The following SLMAP variants were observed in gnomAD, a reference collection of about 807,000 sequenced individuals.
The protein encoded by SLMAP is sarcolemmal membrane-associated protein.
A neutral mutation model predicts 128.8 loss-of-function variants in SLMAP; 44 were observed. The observed-to-expected ratio is 0.34, with a 90% CI of 0.27 to 0.44. SLMAP has a LOEUF of 0.44. SLMAP is among the 20% of genes least tolerant of loss of function. The pLI, the probability that SLMAP is intolerant of heterozygous loss-of-function variation, is 1.00. For synonymous variants in SLMAP, 327 were observed against 348.8 expected (o/e 0.94, Z 0.70); for missense variants, 787 against 985.3 (o/e 0.80, Z 2.69).
At chr3:57,847,313 T>C (rs2094302916) in intron 5 of SLMAP, 80 bp downstream of exon 5, 1 of 970,512 alleles carries the variant, frequency 1.0e-6, no homozygotes, top group African/African-American at 1.6e-5. Context: ...ATGCTTTACC[T>C]AGAAATTTAT....
intron 3 of SLMAP, among the ~76,000 whole-genome samples, chr3:57,840,541 C>T (rs542764479): frequency 6.6e-6 from 1 of 152,204 alleles, no homozygotes; most frequent in East Asian, 1.9e-4. Flanking sequence ...TAAAATTAAA[C>T]CCACATATAG....
At chr3:57,837,588 C>T (rs987675756) in intron 3 of SLMAP, among the ~76,000 whole-genome samples, 1 of 152,144 alleles carries the variant, frequency 6.6e-6, no homozygotes, top group Non-Finnish European at 1.5e-5. Context: ...CCAGGATGGT[C>T]TCTCTCTCCT....
intron 2 of SLMAP, among the ~76,000 whole-genome samples, chr3:57,820,377 A>C (rs1351186151): frequency 6.6e-6 from 1 of 152,176 alleles, no homozygotes; most frequent in Admixed American, 6.5e-5. Flanking sequence ...CCTCAAAGAC[A>C]AACAGCTGCT....
At chr3:57,919,671 G>A (rs1421042694) in intron 22 of SLMAP, among the ~76,000 whole-genome samples, 2 of 151,640 alleles carry the variant, frequency 1.3e-5, no homozygotes, top group Non-Finnish European at 2.9e-5. Context: ...GCGCATGCCT[G>A]TAATCCCAGT....
At chr3:57,775,576 G>T (rs1390832811) in intron 2 of SLMAP, among the ~76,000 whole-genome samples, 1 of 150,474 alleles carries the variant, frequency 6.6e-6, no homozygotes, top group African/African-American at 2.5e-5. Flanking sequence ...AGTCCCGGCT[G>T]CTTGAGGGAG....
At position 57,832,377 on chromosome 3, in the gene SLMAP, AT is replaced by A. The variant is rs370236232; in HGVS notation, c.346+850del. On this transcript the variant is annotated intron_variant, in intron 3 of 24. Coordinates refer to ENST00000671191, the MANE Select transcript of SLMAP (RefSeq NM_001377540.1). ...GTAGCTATCACAAGTATAAAATAAAATTTAATGTCTCACAATTTTTGAAAGT... is the reference window on the plus strand; with the variant it reads ...GTAGCTATCACAAGTATAAAATAAAATTAATGTCTCACAATTTTTGAAAGT... Among the ~76,000 whole-genome samples, 444 of 152,352 alleles carry A rather than the reference AT, an allele frequency of 2.9e-3. 3 individuals are homozygous for A. Among genetic ancestry groups the A allele is most frequent in the African/African-American group, 9.3e-3 (386 of 41,596 alleles).
intron 20 of SLMAP, 80 bp from the exon 21 acceptor site, chr3:57,913,078 T>G: frequency 1.4e-6 from 1 of 714,142 alleles, no homozygotes; most frequent in East Asian, 2.6e-5. Context: ...TGTTCTCCTC[T>G]GAAATCTTTT....
intron 6 of SLMAP, among the ~76,000 whole-genome samples, chr3:57,851,733 C>T (rs2094511366): frequency 6.6e-6 from 1 of 152,110 alleles, no homozygotes; most frequent in East Asian, 1.9e-4. Context: ...GATCCATCCA[C>T]CTTGGCCTCC....
intron 2 of SLMAP, among the ~76,000 whole-genome samples, chr3:57,821,926 C>A (rs1246467973): frequency 6.6e-6 from 1 of 151,744 alleles, no homozygotes; most frequent in Non-Finnish European, 1.5e-5. Flanking sequence ...TCCTCCTCCT[C>A]CTCCTCCTCC....
intron 2 of SLMAP, among the ~76,000 whole-genome samples, chr3:57,823,186 T>C (rs148661365): frequency 6.6e-6 from 1 of 152,276 alleles, no homozygotes; most frequent in African/African-American, 2.4e-5. Context: ...AAAAACTTTA[T>C]CTTTTTTTTT....
intron 6 of SLMAP, among the ~76,000 whole-genome samples, chr3:57,854,068 T>TTATATA (rs10656429): frequency 4.0e-5 from 5 of 124,096 alleles, no homozygotes; most frequent in East Asian, 2.3e-4. Context: ...ATATAACACA[T>TTATATA]TATATATATA....
At chr3:57,810,072 T>C (rs909563475) in intron 2 of SLMAP, among the ~76,000 whole-genome samples, 7 of 152,122 alleles carry the variant, frequency 4.6e-5, no homozygotes, top group African/African-American at 1.7e-4. Flanking sequence ...GCTGTGACTC[T>C]TTGGTTCCCT....
chr3:57,868,795 AATATATATAT>A (rs3037511), intron 13 of SLMAP, among the ~76,000 whole-genome samples: 30 of 124,628 alleles, frequency 2.4e-4, no homozygotes, highest in African/African-American at 3.8e-4. Flanking sequence ...GAACTAATGG[AATATATATAT>A]ATATATATAT....
chr3:57,769,674 A>G (rs2080438827), intron 2 of SLMAP, among the ~76,000 whole-genome samples: 3 of 152,224 alleles, frequency 2.0e-5, no homozygotes, highest in Non-Finnish European at 4.4e-5. Flanking sequence ...AGCTTGGGAT[A>G]TAGGAAGTAG....
intron 2 of SLMAP, among the ~76,000 whole-genome samples, chr3:57,777,876 G>A (rs78500208): frequency 7.7e-4 from 118 of 152,320 alleles, no homozygotes; most frequent in African/African-American, 2.8e-3. Context: ...GAGTGATACC[G>A]TAGAGCAGTA....
chr3:57,875,171 A>C (rs1198588913), intron 14 of SLMAP, among the ~76,000 whole-genome samples: 1 of 152,224 alleles, frequency 6.6e-6, no homozygotes, highest in Non-Finnish European at 1.5e-5. Context: ...TAGTACCTAC[A>C]TACAAGAAAA....
chr3:57,763,524 C>T (rs1413570969), intron 2 of SLMAP, among the ~76,000 whole-genome samples: 2 of 152,262 alleles, frequency 1.3e-5, no homozygotes, highest in African/African-American at 4.8e-5. Flanking sequence ...ATCCACCCGC[C>T]CCGGCCTCCT....
At chr3:57,787,374 A>G (rs928241264) in intron 2 of SLMAP, among the ~76,000 whole-genome samples, 21 of 152,194 alleles carry the variant, frequency 1.4e-4, no homozygotes, top group Non-Finnish European at 3.1e-4. Flanking sequence ...AATCTATACA[A>G]TCATATTTTC....
At position 57,812,044 on chromosome 3, in the gene SLMAP, T is replaced by C. The variant is rs546440481; in HGVS notation, c.199-19339T>C. Among the ~76,000 whole-genome samples, 8 of 152,340 alleles carry C rather than the reference T, an allele frequency of 5.3e-5. No homozygotes were observed. In the South Asian group the frequency reaches 1.2e-3, roughly 24 times the overall value. ...GTGCGTTGCCTTTTTACTCTGTTGA[T>C]AGTGCCCTTTGACACACAAAAGTTT... On this transcript the variant is annotated intron_variant, in intron 2 of 24. Coordinates refer to ENST00000671191, the MANE Select transcript of SLMAP (RefSeq NM_001377540.1).
Sources: allele counts gnomAD v4.1 joint callset (sites outside exome capture counted in the v4.1 genomes callset), GRCh38; gene constraint gnomAD v4.1.1; transcripts MANE v1.5; gene names NCBI Gene and HGNC (gene_info 2026-07-23, HGNC 2026-07-21).